The following GSE1 variants were observed in gnomAD, a reference collection of about 807,000 sequenced individuals.
GSE1 encodes the protein Gse1 coiled-coil protein.
Under a neutral mutation model 112.6 loss-of-function variants are expected in GSE1, and 32 were observed. The ratio of observed to expected loss-of-function variants is 0.28; its 90% CI spans 0.21 to 0.38. GSE1 has a LOEUF of 0.38. Among genes scored for constraint, GSE1 ranks in the 10% least tolerant of loss-of-function variants. The pLI, the probability that GSE1 is intolerant of heterozygous loss-of-function variation, is 1.00. For synonymous variants in GSE1, 1,115 were observed against 735.6 expected, an observed-to-expected ratio of 1.52 and a Z score of -8.35; for missense variants, 2,348 against 1,699.2, an observed-to-expected ratio of 1.38 and a Z score of -6.71.
chr16:85,378,175 G>T (rs1334731756), intron 2 of GSE1, among the ~76,000 whole-genome samples: 1 of 152,194 alleles, frequency 6.6e-6, no homozygotes. Context: ...GGAGGGCAGT[G>T]GGGGTAGGGC....
chr16:85,211,143 A>G (rs1477573601), intron 1 of GSE1, among the ~76,000 whole-genome samples: 1 of 151,680 alleles, frequency 6.6e-6, no homozygotes, highest in African/African-American at 2.4e-5. Context: ...GCTTACCCAC[A>G]CCCTCCATTA....
intron 1 of GSE1, among the ~76,000 whole-genome samples, chr16:85,558,223 G>T (rs554615801): frequency 3.9e-5 from 6 of 152,374 alleles, no homozygotes; most frequent in Admixed American, 2.6e-4. Flanking sequence ...AAATGAAACA[G>T]ATCCTCATGC....
At chr16:85,573,733 T>C (rs1447002349) in intron 1 of GSE1, among the ~76,000 whole-genome samples, 2 of 152,214 alleles carry the variant, frequency 1.3e-5, no homozygotes, top group Non-Finnish European at 2.9e-5. Context: ...GCAGGCGCAC[T>C]GGTTTGTGCC....
chr16:85,321,226 G>C (rs967161232), intron 1 of GSE1, among the ~76,000 whole-genome samples: 1 of 152,126 alleles, frequency 6.6e-6, no homozygotes, highest in African/African-American at 2.4e-5. Flanking sequence ...GTGAATGCTC[G>C]TGTAGCTCAA....
At chr16:85,500,997 T>TGTTTTTTTTTG (rs2051341533) in intron 2 of GSE1, among the ~76,000 whole-genome samples, 1 of 115,688 alleles carries the variant, frequency 8.6e-6, no homozygotes, top group African/African-American at 3.5e-5. Context: ...TGGCCTGTTC[T>TGTTTTTTTTTG]GTTTTTTTTT....
chr16:85,643,857 G>A (rs1224261247), intron 2 of GSE1, among the ~76,000 whole-genome samples: 1 of 151,844 alleles, frequency 6.6e-6, no homozygotes, highest in South Asian at 2.1e-4. Context: ...GCAGGAGCCC[G>A]GATCATGAGC....
At chr16:85,613,164 A>C, upstream of GSE1, 1 of 1,358,262 alleles carries the variant, frequency 7.4e-7, no homozygotes, top group Non-Finnish European at 9.6e-7. Flanking sequence ...GAGGTCAGGG[A>C]GCCGGGAGCG....
At chr16:85,555,866 ACC>A, upstream of GSE1, 2 of 668,802 alleles carry the variant, frequency 3.0e-6, no homozygotes, top group Non-Finnish European at 3.6e-6. Context: ...GAAGATCTTA[ACC>A]CCCCAATTTC....
chr16:85,638,511 T>G (rs1338683721), intron 2 of GSE1, among the ~76,000 whole-genome samples: 4 of 152,196 alleles, frequency 2.6e-5, no homozygotes, highest in African/African-American at 4.8e-5. Flanking sequence ...GCAGGCCGCT[T>G]TGCCTCTCTG....
intron 1 of GSE1, among the ~76,000 whole-genome samples, chr16:85,202,213 C>A (rs1455227890): frequency 6.6e-6 from 1 of 152,204 alleles, no homozygotes; most frequent in Non-Finnish European, 1.5e-5. Flanking sequence ...TGGCTGTCCC[C>A]CTCCCAGGAA....
chr16:85,595,980 C>T (rs1319382377), intron 1 of GSE1, among the ~76,000 whole-genome samples: 2 of 145,244 alleles, frequency 1.4e-5, no homozygotes, highest in African/African-American at 5.2e-5. Context: ...CTCTATCCAC[C>T]CACTCATTCC....
At chr16:85,249,294 A>G (rs1906194580) in intron 1 of GSE1, among the ~76,000 whole-genome samples, 2 of 152,172 alleles carry the variant, frequency 1.3e-5, no homozygotes, top group African/African-American at 4.8e-5. Context: ...CCCCTTCCCT[A>G]GGTCCCATGG....
At chr16:85,342,531 A>C (rs2046646644) in intron 1 of GSE1, among the ~76,000 whole-genome samples, 1 of 152,002 alleles carries the variant, frequency 6.6e-6, no homozygotes, top group African/African-American at 2.4e-5. Flanking sequence ...CGGCAGCCCC[A>C]CCAGCCCCCA....
At chr16:85,663,243 C>A (rs2052577132) in intron 10 of GSE1, 101 bp from the exon 11 acceptor site, 3 of 1,402,558 alleles carry the variant, frequency 2.1e-6, no homozygotes, top group Non-Finnish European at 3.0e-6. Context: ...GCGCAGCCAG[C>A]TACGGCCCAC....
At chr16:85,225,599 C>T (rs904500447) in intron 1 of GSE1, among the ~76,000 whole-genome samples, 2 of 152,190 alleles carry the variant, frequency 1.3e-5, no homozygotes, top group Non-Finnish European at 2.9e-5. Flanking sequence ...CTGGTGCGGT[C>T]ACGGTCTTAG....
intron 14 of GSE1, among the ~76,000 whole-genome samples, chr16:85,670,330 CA>C (rs2053228953): frequency 6.6e-6 from 1 of 152,166 alleles, no homozygotes; most frequent in African/African-American, 2.4e-5. Context: ...AACTTTAAAG[CA>C]TCCCATTAAA....
At chr16:85,418,867 C>T (rs182966721) in intron 2 of GSE1, among the ~76,000 whole-genome samples, 23 of 152,176 alleles carry the variant, frequency 1.5e-4, no homozygotes, top group South Asian at 2.1e-4. Flanking sequence ...GATTTGCTGG[C>T]GGAGCAGAGG....
chr16:85,463,861 G>A (rs1010462010), intron 2 of GSE1, among the ~76,000 whole-genome samples: 1 of 152,172 alleles, frequency 6.6e-6, no homozygotes, highest in Non-Finnish European at 1.5e-5. Flanking sequence ...CTGGCGGTGG[G>A]CCACTGAGGT....
rs540315414 is a variant in GSE1 at position 85,675,354 on chromosome 16, T to C, written c.*2815T>C. The C allele has an allele frequency of 1.1e-3, 163 of 152,326 alleles. No individual in the cohort carries two copies. The highest frequency in any genetic ancestry group is 3.9e-3 in the African/African-American group (161 of 41,576). 9.4% of individuals were successfully genotyped at this position (152,326 alleles called of 1,614,324 possible). On this transcript the variant is annotated 3_prime_UTR_variant, in exon 16 of 16. Coordinates refer to ENST00000253458, the MANE Select transcript of GSE1 (RefSeq NM_014615.5). ...AATAGTAAATTATCTGGTTCCTCAC[T>C]GAAACAAGTTATTTTTGCTTCATAT...
Sources: gnomAD v4.1 joint callset for allele counts (sites outside exome capture counted in the v4.1 genomes callset) on GRCh38, gnomAD v4.1.1 for gene constraint, MANE v1.5 for transcripts, NCBI Gene and HGNC (gene_info 2026-07-23, HGNC 2026-07-21) for gene names.